Variants in PRKN observed in about 807,000 individuals in gnomAD.
PRKN encodes parkin RBR E3 ubiquitin protein ligase.
A neutral mutation model predicts 59.5 loss-of-function variants in PRKN; 56 were observed. That is an observed-to-expected ratio of 0.94 (90% CI 0.76 to 1.18). PRKN has a LOEUF of 1.18. Ranked by LOEUF, PRKN falls within the 50% of genes most tolerant of loss-of-function variation. PRKN has a pLI of 0.00. For synonymous variants in PRKN, 250 were observed against 222.1 expected (o/e 1.13, Z -1.12); for missense variants, 657 against 596.4 (o/e 1.10, Z -1.06).
At chr6:162,054,679 T>A (rs1777785558) in intron 4 of PRKN, among the ~76,000 whole-genome samples, 1 of 152,152 alleles carries the variant, frequency 6.6e-6, no homozygotes, top group African/African-American at 2.4e-5. Flanking sequence ...GGGCCTGGCA[T>A]CGAGGGGGTG....
intron 1 of PRKN, among the ~76,000 whole-genome samples, chr6:162,576,268 CA>C (rs930951001): frequency 1.4e-4 from 21 of 152,126 alleles, no homozygotes; most frequent in African/African-American, 4.8e-4. Flanking sequence ...TAGAGCATCA[CA>C]AAAATGCCTG....
chr6:162,382,987 T>G (rs1385953214), intron 2 of PRKN, among the ~76,000 whole-genome samples: 4 of 152,180 alleles, frequency 2.6e-5, no homozygotes, highest in Admixed American at 1.3e-4. Flanking sequence ...ATTATGAGAT[T>G]GCAGCAATTT....
chr6:162,178,612 T>C (rs1464828252), intron 4 of PRKN, among the ~76,000 whole-genome samples: 1 of 152,184 alleles, frequency 6.6e-6, no homozygotes, highest in Non-Finnish European at 1.5e-5. Context: ...AGTAGGATAT[T>C]GTCACGTGCT....
intron 1 of PRKN, among the ~76,000 whole-genome samples, chr6:162,662,603 G>A (rs145678849): frequency 1.3e-5 from 2 of 152,174 alleles, no homozygotes; most frequent in African/African-American, 4.8e-5. Context: ...TTTGCATATG[G>A]TGAAAGGTGT....
At chr6:161,507,037 GGTCTCAAGCCATGAGTGC>G (rs1391205566) in intron 9 of PRKN, among the ~76,000 whole-genome samples, 1 of 152,164 alleles carries the variant, frequency 6.6e-6, no homozygotes, top group African/African-American at 2.4e-5. Flanking sequence ...CCCAGGAGTG[GGTCTCAAGCCATGAGTGC>G]ATGTTTCAGG....
At chr6:162,185,174 T>C (rs1417839066) in intron 4 of PRKN, among the ~76,000 whole-genome samples, 3 of 152,178 alleles carry the variant, frequency 2.0e-5, no homozygotes, top group Non-Finnish European at 4.4e-5. Flanking sequence ...CATTTTCCAA[T>C]GTTATGGATA....
At chr6:162,036,432 T>C (rs9347580) in intron 5 of PRKN, among the ~76,000 whole-genome samples, 36,680 of 151,360 alleles carry the variant, frequency 0.24, 4,592 homozygotes, top group African/African-American at 0.33. Context: ...CAGGGTGGAG[T>C]GCAACGGCAG....
intron 4 of PRKN, 115 bp downstream of exon 4, chr6:162,201,016 G>A (rs1784706777): frequency 6.0e-6 from 7 of 1,171,016 alleles, no homozygotes; most frequent in South Asian, 3.7e-5. Flanking sequence ...AACCACAGAA[G>A]AGAATGTCTT....
chr6:162,279,386 GGAAAGAAAGAAAGACAGAAAAA>G (rs1436222246), intron 2 of PRKN, among the ~76,000 whole-genome samples: 8 of 137,388 alleles, frequency 5.8e-5, no homozygotes, highest in Non-Finnish European at 1.3e-4. Flanking sequence ...GGAGAGAGAG[GGAAAGAAAGAAAGACAGAAAAA>G]GAAAGAAAGA....
intron 2 of PRKN, chr6:162,269,758 CAT>C (rs1250426049): frequency 6.6e-6 from 1 of 152,148 alleles, no homozygotes; most frequent in Non-Finnish European, 1.5e-5. Flanking sequence ...GGCCAACAAA[CAT>C]ATGAAATAAT....
At chr6:162,280,942 G>C (rs1780871035) in intron 2 of PRKN, among the ~76,000 whole-genome samples, 1 of 151,868 alleles carries the variant, frequency 6.6e-6, no homozygotes. Flanking sequence ...GGAATACTAT[G>C]CAACCATAAA....
At chr6:161,535,899 C>T (rs557022564) in intron 9 of PRKN, among the ~76,000 whole-genome samples, 19 of 151,832 alleles carry the variant, frequency 1.3e-4, no homozygotes, top group African/African-American at 3.9e-4. Context: ...ACGGAACTAA[C>T]GTCAGAATAA....
rs185480929 is a variant in PRKN at position 162,692,921 on chromosome 6, T to C, written c.7+34741A>G. On this transcript the variant is annotated intron_variant, in intron 1 of 11. Coordinates refer to ENST00000366898, the MANE Select transcript of PRKN (RefSeq NM_004562.3). ...GTATCTAGGATTCAACCAGCCTTAT[T>C]ATCTGACTCCTTGGTCATGACCAGT... Among the ~76,000 whole-genome samples the C allele has an allele frequency of 6.7e-4, 102 of 152,292 alleles. No individual in the cohort carries two copies. The East Asian group carries it at 9.9e-3, about 15-fold the overall frequency.
At chr6:162,584,246 CA>C (rs55738318) in intron 1 of PRKN, among the ~76,000 whole-genome samples, 12 of 117,098 alleles carry the variant, frequency 1.0e-4, no homozygotes, top group East Asian at 2.2e-4. Context: ...AAACAAAAAA[CA>C]AAAAAAAAAA....
intron 1 of PRKN, among the ~76,000 whole-genome samples, chr6:162,701,723 C>G (rs1016165572): frequency 1.3e-5 from 2 of 151,638 alleles, no homozygotes; most frequent in South Asian, 4.2e-4. Context: ...CAACTAGACT[C>G]AACATTCAAC....
chr6:162,357,611 T>C (rs548740083), intron 2 of PRKN, among the ~76,000 whole-genome samples: 6 of 152,294 alleles, frequency 3.9e-5, no homozygotes, highest in Admixed American at 3.9e-4. Context: ...AGATTTACCA[T>C]GCAATCCAGC....
rs180992899 is a variant in PRKN at position 162,404,927 on chromosome 6, C to T, written c.171+38383G>A. Among the ~76,000 whole-genome samples, 149 of 152,310 alleles carry T rather than the reference C, an allele frequency of 9.8e-4. 2 individuals are homozygous for T. The highest frequency in any genetic ancestry group is 1.5e-3 in the Non-Finnish European group (102 of 68,018). On this transcript the variant is annotated intron_variant, in intron 2 of 11. Transcript: ENST00000366898. ...ATACTTTTAGCAGCATAGAATCCAA[C>T]GCTTGCCTTCCTTCATAGATCTCTA...
intron 4 of PRKN, among the ~76,000 whole-genome samples, chr6:162,093,752 C>T (rs974471027): frequency 6.6e-6 from 1 of 152,096 alleles, no homozygotes; most frequent in Non-Finnish European, 1.5e-5. Context: ...TTGCTTTAAA[C>T]CCCCCGTAAC....
intron 1 of PRKN, among the ~76,000 whole-genome samples, chr6:162,594,655 GAATAT>G (rs1392039801): frequency 1.3e-5 from 2 of 151,888 alleles, no homozygotes; most frequent in African/African-American, 4.8e-5. Flanking sequence ...TGAATGAAAT[GAATAT>G]GTCATCCAAG....
Sources: allele counts gnomAD v4.1 joint callset (sites outside exome capture counted in the v4.1 genomes callset), GRCh38; gene constraint gnomAD v4.1.1; transcripts MANE v1.5; gene names NCBI Gene and HGNC (gene_info 2026-07-23, HGNC 2026-07-21).